Variants in ZMYM4 observed in about 807,000 individuals in gnomAD.
ZMYM4 encodes the protein zinc finger MYM-type containing 4.
In ZMYM4, 31 loss-of-function variants were observed where a neutral mutation model predicts 183.2. The observed-to-expected ratio is 0.17, with a 90% CI of 0.13 to 0.23. The LOEUF is 0.23. ZMYM4 is among the 10% of genes least tolerant of loss of function. The pLI, the probability that ZMYM4 is intolerant of heterozygous loss-of-function variation, is 1.00. For synonymous variants in ZMYM4, 592 were observed against 631.2 expected (o/e 0.94, Z 0.93); for missense variants, 1,273 against 1,840.3 (o/e 0.69, Z 5.64).
intron 13 of ZMYM4, 83 bp downstream of exon 13, chr1:35,387,687 A>C: frequency 7.1e-7 from 1 of 1,417,528 alleles, no homozygotes; most frequent in Non-Finnish European, 9.5e-7. Context: ...TCACTGTCTA[A>C]GTTAATCTGT....
At chr1:35,325,285 T>A in intron 1 of ZMYM4, 75 bp from the exon 2 acceptor site, 2 of 1,361,208 alleles carry the variant, frequency 1.5e-6, no homozygotes, top group South Asian at 2.7e-5. Flanking sequence ...CCTTGGGGAA[T>A]AGGGAGGGAT....
At position 35,371,924 on chromosome 1, in the gene ZMYM4, G is replaced by T. The variant is rs1644223436; in HGVS notation, c.1181+1297G>T. Among the ~76,000 whole-genome samples, 3 of 152,110 alleles carry T rather than the reference G, an allele frequency of 2.0e-5. No homozygotes were observed. In the South Asian group the frequency reaches 6.2e-4, roughly 31 times the overall value. On this transcript the variant is annotated intron_variant, in intron 7 of 29. Coordinates refer to ENST00000314607, the MANE Select transcript of ZMYM4 (RefSeq NM_005095.3). Reference sequence around the variant, plus strand: ...ATATACAAATGTAGATTAGACTTCAGTTTTCTTTGGAATCTCTATTTTTAT... The same window carrying T: ...ATATACAAATGTAGATTAGACTTCATTTTTCTTTGGAATCTCTATTTTTAT...
intron 17 of ZMYM4, among the ~76,000 whole-genome samples, chr1:35,393,329 A>G (rs894348258): frequency 6.6e-6 from 1 of 152,214 alleles, no homozygotes; most frequent in African/African-American, 2.4e-5. Context: ...ATTGATCAGC[A>G]GTGTGTTACA....
At chr1:35,300,038 G>A (rs771434342) in intron 1 of ZMYM4, among the ~76,000 whole-genome samples, 12 of 151,712 alleles carry the variant, frequency 7.9e-5, no homozygotes, top group Non-Finnish European at 1.3e-4. Flanking sequence ...CTCGTGATCC[G>A]CCCACCTTGG....
chr1:35,301,432 G>A (rs1377677074), intron 1 of ZMYM4, among the ~76,000 whole-genome samples: 1 of 151,988 alleles, frequency 6.6e-6, no homozygotes, highest in African/African-American at 2.4e-5. Context: ...TGTAGTCCCA[G>A]CTAGTCAGGA....
At chr1:35,398,106 T>A (rs1345083447) in intron 20 of ZMYM4, among the ~76,000 whole-genome samples, 1 of 152,186 alleles carries the variant, frequency 6.6e-6, no homozygotes, top group Non-Finnish European at 1.5e-5. Flanking sequence ...AAATTTCTGA[T>A]CTGGAAAGTA....
chr1:35,336,140 G>A (rs1392581838), intron 2 of ZMYM4, among the ~76,000 whole-genome samples: 4 of 152,134 alleles, frequency 2.6e-5, no homozygotes, highest in Non-Finnish European at 5.9e-5. Flanking sequence ...TATCTTCTAA[G>A]AGTTTGACTA....
intron 1 of ZMYM4, among the ~76,000 whole-genome samples, chr1:35,302,448 C>T (rs150519829): frequency 0.02 from 2,765 of 135,726 alleles, 91 homozygotes; most frequent in African/African-American, 0.074. Context: ...TGCAGTGGTG[C>T]GATCTCAGCT....
intron 2 of ZMYM4, among the ~76,000 whole-genome samples, chr1:35,331,692 C>T (rs1206404657): frequency 6.6e-6 from 1 of 151,778 alleles, no homozygotes; most frequent in Non-Finnish European, 1.5e-5. Flanking sequence ...GAGGCTGAGG[C>T]AGGAGAATCA....
intron 26 of ZMYM4, among the ~76,000 whole-genome samples, chr1:35,412,127 C>T (rs1187593840): frequency 1.3e-5 from 2 of 152,078 alleles, no homozygotes; most frequent in Non-Finnish European, 2.9e-5. Context: ...GATCCGCCCG[C>T]CTTAGCCTCC....
intron 2 of ZMYM4, among the ~76,000 whole-genome samples, chr1:35,327,928 G>T (rs1642573540): frequency 6.6e-6 from 1 of 152,172 alleles, no homozygotes; most frequent in South Asian, 2.1e-4. Context: ...AACCAGGCCA[G>T]ATAGTAAAAC....
chr1:35,366,333 GT>G (rs1644078796), intron 5 of ZMYM4, among the ~76,000 whole-genome samples: 1 of 152,118 alleles, frequency 6.6e-6, no homozygotes, highest in South Asian at 2.1e-4. Flanking sequence ...TGAAGTTGAA[GT>G]AAAATGATGG....
chr1:35,394,122 C>G (rs192213997), intron 18 of ZMYM4, among the ~76,000 whole-genome samples: 5 of 138,444 alleles, frequency 3.6e-5, no homozygotes, highest in African/African-American at 1.1e-4. Flanking sequence ...CACACTGTTT[C>G]AAATGAAGTC....
intron 1 of ZMYM4, among the ~76,000 whole-genome samples, chr1:35,320,624 G>T (rs1015166678): frequency 6.6e-6 from 1 of 152,194 alleles, no homozygotes; most frequent in African/African-American, 2.4e-5. Flanking sequence ...CTTGTGATTG[G>T]TATCTGAAGT....
At chr1:35,299,629 C>CT (rs1251020245) in intron 1 of ZMYM4, among the ~76,000 whole-genome samples, 2 of 152,188 alleles carry the variant, frequency 1.3e-5, no homozygotes, top group African/African-American at 4.8e-5. Flanking sequence ...CAAAGTTATA[C>CT]TTCTGTGCAA....
At chr1:35,357,953 T>C (rs1270225893) in intron 2 of ZMYM4, among the ~76,000 whole-genome samples, 1 of 152,098 alleles carries the variant, frequency 6.6e-6, no homozygotes, top group Non-Finnish European at 1.5e-5. Context: ...AAATAAATTA[T>C]AAGGCAATTA....
intron 1 of ZMYM4, among the ~76,000 whole-genome samples, chr1:35,289,861 G>A (rs1440824365): frequency 6.6e-6 from 1 of 152,132 alleles, no homozygotes; most frequent in East Asian, 1.9e-4. Flanking sequence ...TTTTTAGATT[G>A]TTGTATTCTA....
At chr1:35,379,067 C>G (rs1022416204) in intron 7 of ZMYM4, among the ~76,000 whole-genome samples, 1 of 152,132 alleles carries the variant, frequency 6.6e-6, no homozygotes, top group African/African-American at 2.4e-5. Flanking sequence ...ACTATAACTT[C>G]TCTCCACATC....
chr1:35,269,590 G>C (rs1181971584), intron 1 of ZMYM4, among the ~76,000 whole-genome samples: 1 of 152,168 alleles, frequency 6.6e-6, no homozygotes, highest in Non-Finnish European at 1.5e-5. Context: ...AAGTCGGGGT[G>C]GTGGTCTTAC....
Sources: allele counts gnomAD v4.1 joint callset (sites outside exome capture counted in the v4.1 genomes callset), GRCh38; gene constraint gnomAD v4.1.1; transcripts MANE v1.5; gene names NCBI Gene and HGNC (gene_info 2026-07-23, HGNC 2026-07-21).